Variants in ANO6 observed in about 807,000 individuals in gnomAD.
The protein encoded by ANO6 is anoctamin-6.
In ANO6, 106 loss-of-function variants were observed where a neutral mutation model predicts 117.5. The observed-to-expected ratio is 0.90, with a 90% CI of 0.77 to 1.06. The LOEUF (loss-of-function observed/expected upper bound fraction) is 1.06, where lower values mean the gene tolerates loss of function less well. Ranked by LOEUF, ANO6 falls within the 50% of genes least tolerant of loss-of-function variation. ANO6 has a pLI of 0.00. For missense variants in ANO6, 955 were observed against 1,121.1 expected, an observed-to-expected ratio of 0.85 and a Z score of 2.12; for synonymous variants, 367 against 385.1, an observed-to-expected ratio of 0.95 and a Z score of 0.55.
chr12:45,291,552 A>G (rs747781391), intron 1 of ANO6, among the ~76,000 whole-genome samples: 65 of 152,298 alleles, frequency 4.3e-4, no homozygotes, highest in Admixed American at 9.8e-4. Context: ...TTTGGAAATC[A>G]TGTATCTGAT....
chr12:45,434,807 T>C (rs572612709), downstream of ANO6, among the ~76,000 whole-genome samples: 3 of 152,294 alleles, frequency 2.0e-5, no homozygotes, highest in Admixed American at 1.3e-4. Flanking sequence ...GTTTAAATGC[T>C]CTTTTCATTG....
At chr12:45,439,052 C>T (rs919425749) in intron 19 of ANO6, among the ~76,000 whole-genome samples, 2 of 152,184 alleles carry the variant, frequency 1.3e-5, no homozygotes, top group African/African-American at 4.8e-5. Flanking sequence ...CAGTTGCTTG[C>T]TCAAGTCACC....
chr12:45,390,277 A>G (rs1942407499), intron 11 of ANO6, 144 bp from the exon 12 acceptor site: 1 of 724,240 alleles, frequency 1.4e-6, no homozygotes, highest in African/African-American at 1.8e-5. Flanking sequence ...ATTGTTAACA[A>G]AAAAGTGCAA....
rs532169699 is a variant in ANO6 at position 45,332,619 on chromosome 12, C to T, written c.279+1196C>T. ...CAAACAAGCTCCCAGATGACAGGGA[C>T]TTAACACAAAAACAGAGTGTTTATT... On this transcript the variant is annotated intron_variant, in intron 3 of 19. Coordinates refer to ENST00000320560, the MANE Select transcript of ANO6 (RefSeq NM_001025356.3). Among the ~76,000 whole-genome samples the T allele has an allele frequency of 3.9e-5, 6 of 152,094 alleles. No homozygotes were observed. The South Asian group carries it at 1.2e-3, about 32-fold the overall frequency.
At position 45,367,659 on chromosome 12, in the gene ANO6, A is replaced by T. The variant is rs543365702; in HGVS notation, c.999-29A>T. On this transcript the variant is annotated intron_variant, in intron 8 of 19. Transcript: ENST00000320560. ...TTTATCATGCTGCTTTAAATTTTTT[A>T]AAATTAAGTTTTATTTCTCTCTTTT... 38 of 1,583,448 alleles carry T rather than the reference A, an allele frequency of 2.4e-5. No homozygotes were observed. The African/African-American group carries it at 4.0e-4, about 17-fold the overall frequency.
At chr12:45,295,136 A>G (rs982977849) in intron 1 of ANO6, among the ~76,000 whole-genome samples, 4 of 152,368 alleles carry the variant, frequency 2.6e-5, no homozygotes, top group South Asian at 2.1e-4. Flanking sequence ...GTAGCAATAC[A>G]TAGCCATCAT....
exon 20 of ANO6, chr12:45,440,214 G>T (rs112719614): frequency 1.5e-5 from 4 of 267,404 alleles, no homozygotes; most frequent in Non-Finnish European, 2.7e-5. Context: ...TTTTTAAAAG[G>T]TAATTTAATT....
At chr12:45,306,619 A>G (rs1489094095) in intron 2 of ANO6, among the ~76,000 whole-genome samples, 1 of 152,112 alleles carries the variant, frequency 6.6e-6, no homozygotes, top group Non-Finnish European at 1.5e-5. Flanking sequence ...TCAATTTTTG[A>G]TTATCTTCAA....
In ANO6 at chr12:45,216,311, C is replaced by T. The variant is rs550902984; in HGVS notation, c.-11C>T. 8.1e-6 allele frequency: 13 copies of T among 1,605,656 alleles called. No homozygotes were observed. The highest frequency in any genetic ancestry group is 2.2e-5 in the South Asian group (2 of 89,606). ...TTCGCGCCAAGTTCGGAGCCGCCTT[C>T]TGAGGGAGACATGAAAAAGATGAGC... On this transcript the variant is annotated 5_prime_UTR_variant, in exon 1 of 20. Coordinates refer to ENST00000320560, the MANE Select transcript of ANO6 (RefSeq NM_001025356.3).
intron 7 of ANO6, among the ~76,000 whole-genome samples, chr12:45,351,948 T>C (rs531276049): frequency 1.4e-4 from 21 of 152,190 alleles, no homozygotes; most frequent in Non-Finnish European, 2.5e-4. Context: ...TAGGAGGCTG[T>C]TTGAGCCAGG....
At chr12:45,333,016 C>A (rs1940719426) in intron 3 of ANO6, among the ~76,000 whole-genome samples, 1 of 151,712 alleles carries the variant, frequency 6.6e-6, no homozygotes, top group South Asian at 2.1e-4. Context: ...CTTACAAATG[C>A]TGTATCATAA....
intron 1 of ANO6, among the ~76,000 whole-genome samples, chr12:45,227,302 G>T (rs1947499139): frequency 6.6e-6 from 1 of 152,174 alleles, no homozygotes. Flanking sequence ...TGCTGCTTAA[G>T]AAGAAAGAAA....
intron 1 of ANO6, among the ~76,000 whole-genome samples, chr12:45,281,530 G>C (rs1409724160): frequency 6.6e-6 from 1 of 152,150 alleles, no homozygotes; most frequent in Non-Finnish European, 1.5e-5. Context: ...GCGAGAGCAG[G>C]AGCAAGAGAG....
At chr12:45,415,519 C>T (rs372070552) in intron 16 of ANO6, among the ~76,000 whole-genome samples, 14 of 152,182 alleles carry the variant, frequency 9.2e-5, no homozygotes, top group East Asian at 5.8e-4. Flanking sequence ...GCATGCCCTG[C>T]GGGCTGATGA....
intron 19 of ANO6, among the ~76,000 whole-genome samples, chr12:45,438,287 G>A (rs1043057515): frequency 4.6e-5 from 7 of 151,874 alleles, no homozygotes; most frequent in African/African-American, 9.7e-5. Context: ...ATGTATGTGT[G>A]TGTAAGATAT....
chr12:45,331,146 C>A, intron 2 of ANO6, 149 bp from the exon 3 acceptor site: 1 of 650,300 alleles, frequency 1.5e-6, no homozygotes, highest in Non-Finnish European at 2.6e-6. Flanking sequence ...CCATGTCAGT[C>A]ATAGTGGCCA....
chr12:45,433,565 C>A (rs192629438), downstream of ANO6, among the ~76,000 whole-genome samples: 11 of 152,284 alleles, frequency 7.2e-5, no homozygotes, highest in African/African-American at 2.4e-4. Flanking sequence ...CATTGATAAG[C>A]AATGGGGAAC....
At position 45,367,596 on chromosome 12, in the gene ANO6, G is replaced by A. The variant is rs998973232; in HGVS notation, c.999-92G>A. ...CTTCTGTTTCTAGTTTTACAAGATC[G>A]GTTTAGTTTTGTTTCTTATTGTGAA... On this transcript the variant is annotated intron_variant, in intron 8 of 19. Transcript: ENST00000320560. The A allele has an allele frequency of 5.3e-5, 49 of 931,478 alleles. 1 individual carries two copies. Among genetic ancestry groups the A allele is most frequent in the Middle Eastern group, 5.9e-4 (2 of 3,388 alleles). 57.7% of individuals were successfully genotyped at this position (931,478 alleles called of 1,614,324 possible).
intron 19 of ANO6, among the ~76,000 whole-genome samples, chr12:45,423,503 TAAC>T (rs756774122): frequency 6.6e-5 from 10 of 152,246 alleles, no homozygotes; most frequent in Non-Finnish European, 1.5e-4. Context: ...CAGAGTGAGT[TAAC>T]TACTGCCAAA....
Sources: gnomAD v4.1 joint callset for allele counts (sites outside exome capture counted in the v4.1 genomes callset) on GRCh38, gnomAD v4.1.1 for gene constraint, MANE v1.5 for transcripts, NCBI Gene and HGNC (gene_info 2026-07-23, HGNC 2026-07-21) for gene names.